GALNT14: variants seen among roughly 807,000 people sequenced by gnomAD.
GALNT14 encodes the protein polypeptide N-acetylgalactosaminyltransferase 14.
In GALNT14, 60 loss-of-function variants were observed where a neutral mutation model predicts 77.5. The ratio of observed to expected loss-of-function variants is 0.77; its 90% confidence interval spans 0.63 to 0.96. The LOEUF is 0.96. GALNT14 is among the 40% of genes least tolerant of loss of function. GALNT14 has a pLI of 0.00. For missense variants in GALNT14, 710 were observed against 731.0 expected (o/e 0.97, Z 0.33); for synonymous variants, 280 against 281.7 (o/e 0.99, Z 0.06).
At chr2:30,921,179 G>A (rs1394582586) in intron 13 of GALNT14, among the ~76,000 whole-genome samples, 1 of 152,086 alleles carries the variant, frequency 6.6e-6, no homozygotes, top group Non-Finnish European at 1.5e-5. Flanking sequence ...CCCTCTCGGA[G>A]GCCCACAGAG....
At chr2:30,901,811 G>A in the GALNT14 span, among the ~76,000 whole-genome samples, 4 of 152,084 alleles carry the variant, frequency 2.6e-5, no homozygotes, top group African/African-American at 9.7e-5. Flanking sequence ...CGGGGCTTCT[G>A]CCACACCTGG....
At chr2:31,017,545 G>T (rs1454015995) in intron 1 of GALNT14, among the ~76,000 whole-genome samples, 1 of 152,170 alleles carries the variant, frequency 6.6e-6, no homozygotes, top group African/African-American at 2.4e-5. Flanking sequence ...TAAAGACTGG[G>T]ACCCTTTGCT....
At chr2:31,043,755 G>T (rs1054030926) in intron 1 of GALNT14, among the ~76,000 whole-genome samples, 2 of 152,134 alleles carry the variant, frequency 1.3e-5, no homozygotes, top group African/African-American at 4.8e-5. Flanking sequence ...ATATAAAGAT[G>T]ATTAAGATAC....
chr2:31,015,623 A>G (rs748660924), intron 1 of GALNT14, among the ~76,000 whole-genome samples: 22 of 152,234 alleles, frequency 1.4e-4, no homozygotes, highest in African/African-American at 5.3e-4. Flanking sequence ...CAAGATTAAC[A>G]TTACCAGTAA....
At chr2:30,973,469 T>C (rs1015100758) in intron 2 of GALNT14, among the ~76,000 whole-genome samples, 8 of 152,200 alleles carry the variant, frequency 5.3e-5, no homozygotes, top group Admixed American at 4.6e-4. Flanking sequence ...GCTTTTAGAA[T>C]CACAGATTTC....
rs114724234 is a variant in GALNT14 at position 31,043,121 on chromosome 2, T to C, written c.130-50114A>G. ...GTCAGATGCTCCAAGCACTCTTAAC[T>C]TGGAGCCTCTGCTTTAGTTTTCTCT... is the stretch of plus-strand genomic sequence containing the variant. On this transcript the variant is annotated intron_variant, in intron 1 of 14. Transcript: ENST00000349752. 2.5e-3 allele frequency among the ~76,000 whole-genome samples: 382 copies of C among 152,244 alleles called. 1 individual carries two copies. The highest frequency in any genetic ancestry group is 8.9e-3 in the African/African-American group (368 of 41,542).
intron 1 of GALNT14, among the ~76,000 whole-genome samples, chr2:31,095,911 G>C (rs1204761598): frequency 1.3e-5 from 2 of 152,144 alleles, no homozygotes; most frequent in Non-Finnish European, 2.9e-5. Flanking sequence ...ATCCTGCCTA[G>C]ATTAGGCCCA....
At chr2:30,982,826 T>C (rs977616360) in intron 2 of GALNT14, among the ~76,000 whole-genome samples, 1 of 152,196 alleles carries the variant, frequency 6.6e-6, no homozygotes, top group Non-Finnish European at 1.5e-5. Context: ...AAGATTTCCT[T>C]GAGAAAAGAT....
intron 6 of GALNT14, among the ~76,000 whole-genome samples, chr2:30,949,271 C>T (rs1329841638): frequency 6.6e-6 from 1 of 152,140 alleles, no homozygotes; most frequent in Non-Finnish European, 1.5e-5. Context: ...TAAAAGAGGG[C>T]ATCTATTAGC....
At chr2:31,091,496 A>G (rs1292969259) in intron 1 of GALNT14, among the ~76,000 whole-genome samples, 1 of 152,236 alleles carries the variant, frequency 6.6e-6, no homozygotes, top group Non-Finnish European at 1.5e-5. Context: ...TACTTGCCCC[A>G]AGGCCACTCC....
At chr2:30,894,477 A>T in the GALNT14 span, among the ~76,000 whole-genome samples, 2 of 152,224 alleles carry the variant, frequency 1.3e-5, no homozygotes, top group East Asian at 3.8e-4. Flanking sequence ...GAAATACAGA[A>T]TTCAAGGCAA....
intron 13 of GALNT14, among the ~76,000 whole-genome samples, chr2:30,917,658 T>C (rs775658867): frequency 2.6e-5 from 4 of 152,246 alleles, no homozygotes; most frequent in Non-Finnish European, 5.9e-5. Context: ...TGCTAGTTGC[T>C]TCACATTCAT....
chr2:30,948,677 C>T (rs184715238), intron 6 of GALNT14, among the ~76,000 whole-genome samples: 1 of 152,306 alleles, frequency 6.6e-6, no homozygotes, highest in Admixed American at 6.5e-5. Flanking sequence ...TTCCTGTGCA[C>T]CTTTACCCAT....
intron 1 of GALNT14, among the ~76,000 whole-genome samples, chr2:31,124,757 G>A (rs1369693282): frequency 1.3e-5 from 2 of 152,216 alleles, no homozygotes; most frequent in African/African-American, 2.4e-5. Context: ...CAGTATGACT[G>A]TACTGGTAGC....
intron 2 of GALNT14, among the ~76,000 whole-genome samples, chr2:30,978,947 A>C (rs1285717393): frequency 6.6e-6 from 1 of 152,170 alleles, no homozygotes; most frequent in African/African-American, 2.4e-5. Flanking sequence ...GGTCTTCCTG[A>C]AGAAGACACC....
rs139892900 is a variant in GALNT14 at position 30,973,762 on chromosome 2, G to A, written c.300-7460C>T. Among the ~76,000 whole-genome samples the A allele has an allele frequency of 5.0e-4, 76 of 152,222 alleles. No individual in the cohort carries two copies. The East Asian group carries it at 0.014, about 28-fold the overall frequency. ...TGGGATTTCACATGCAGATTAATTC[G>A]TTCATTCACATAAACATATACTGCT... On this transcript the variant is annotated intron_variant, in intron 2 of 14. Transcript: ENST00000349752.
At chr2:30,943,068 C>T (rs773781326) in intron 8 of GALNT14, among the ~76,000 whole-genome samples, 2 of 152,178 alleles carry the variant, frequency 1.3e-5, no homozygotes, top group African/African-American at 2.4e-5. Flanking sequence ...AGGCCTAGAA[C>T]AGCCCTCAGA....
At chr2:31,030,413 G>C (rs1270810336) in intron 1 of GALNT14, among the ~76,000 whole-genome samples, 1 of 152,058 alleles carries the variant, frequency 6.6e-6, no homozygotes, top group Non-Finnish European at 1.5e-5. Context: ...ACTTAATAGA[G>C]GCACTTAGAG....
At chr2:31,088,748 G>A (rs947899231) in intron 1 of GALNT14, among the ~76,000 whole-genome samples, 4 of 152,228 alleles carry the variant, frequency 2.6e-5, no homozygotes, top group African/African-American at 9.6e-5. Context: ...GCTAGATTAT[G>A]TGTATATACT....
Sources: gnomAD v4.1 joint callset for allele counts (sites outside exome capture counted in the v4.1 genomes callset) on GRCh38, gnomAD v4.1.1 for gene constraint, MANE v1.5 for transcripts, NCBI Gene and HGNC (gene_info 2026-07-23, HGNC 2026-07-21) for gene names.